The following RGS6 variants were observed in gnomAD, a reference collection of about 807,000 sequenced individuals.
RGS6 encodes regulator of G protein signaling 6.
RGS6 carries 30 observed loss-of-function variants against 78.5 expected under a neutral mutation model. The ratio of observed to expected loss-of-function variants is 0.38; its 90% CI spans 0.29 to 0.52. The LOEUF (loss-of-function observed/expected upper bound fraction) is 0.52, where lower values mean the gene tolerates loss of function less well. Ranked by LOEUF, RGS6 falls within the 20% of genes least tolerant of loss-of-function variation. RGS6 has a pLI of 0.85. For missense variants in RGS6, 495 were observed against 609.7 expected (o/e 0.81, Z 1.98); for synonymous variants, 206 against 206.0 (o/e 1.00, Z 0.00).
intron 3 of RGS6, among the ~76,000 whole-genome samples, chr14:72,435,116 A>G (rs2094841213): frequency 6.6e-6 from 1 of 152,228 alleles, no homozygotes; most frequent in Non-Finnish European, 1.5e-5. Context: ...TAACATAGGC[A>G]TTCCAGAAGA....
chr14:71,868,364 A>G, the RGS6 span, among the ~76,000 whole-genome samples: 1 of 152,214 alleles, frequency 6.6e-6, no homozygotes, highest in Non-Finnish European at 1.5e-5. Flanking sequence ...GTCTTTAAGG[A>G]ATTTCACTCT....
chr14:72,567,919 G>A (rs1350214517), downstream of RGS6, among the ~76,000 whole-genome samples: 1 of 152,216 alleles, frequency 6.6e-6, no homozygotes, highest in Non-Finnish European at 1.5e-5. Context: ...CAGCCCTTCA[G>A]CGCCCACAAT....
rs921030596 is a variant in RGS6 at position 72,067,977 on chromosome 14, C to T, written c.84+103102C>T. ...AGAATCCCCAGGTGATTCATGTGTG[C>T]GTTAAAGATCAAGAAGCATTGCTGT... On this transcript the variant is annotated intron_variant, in intron 2 of 17. Coordinates refer to ENST00000553525, the MANE Select transcript of RGS6 (RefSeq NM_001204424.2). Among the ~76,000 whole-genome samples the T allele has an allele frequency of 3.9e-5, 6 of 151,942 alleles. No individual in the cohort carries two copies. In the East Asian group the frequency reaches 7.7e-4, roughly 20 times the overall value.
intron 1 of RGS6, among the ~76,000 whole-genome samples, chr14:71,935,549 G>A (rs1169401377): frequency 6.6e-6 from 1 of 152,196 alleles, no homozygotes; most frequent in Non-Finnish European, 1.5e-5. Flanking sequence ...TTCAAAAAGA[G>A]TAGGTTCTTT....
chr14:72,357,559 G>A (rs985263326), intron 3 of RGS6, among the ~76,000 whole-genome samples: 9 of 152,184 alleles, frequency 5.9e-5, no homozygotes, highest in Admixed American at 3.3e-4. Context: ...GATAACCCTC[G>A]TTATGCTGTA....
In RGS6 at chr14:72,518,548, C is replaced by G; in HGVS notation, c.1278+11C>G. 6.2e-7 allele frequency: 1 copy of G among 1,613,076 alleles called. No homozygotes were observed. The highest frequency in any genetic ancestry group is 8.5e-7 in the Non-Finnish European group (1 of 1,179,154). On this transcript the variant is annotated intron_variant, in intron 15 of 17. Coordinates refer to ENST00000553525, the MANE Select transcript of RGS6 (RefSeq NM_001204424.2). ...TTTGAAGACGCCCAGGTTTGCTTATCTACTCAAGTGGTTGTCATAAGGTGT... is the reference window on the plus strand; with the variant it reads ...TTTGAAGACGCCCAGGTTTGCTTATGTACTCAAGTGGTTGTCATAAGGTGT...
At chr14:71,885,065 C>T in the RGS6 span, among the ~76,000 whole-genome samples, 1 of 152,194 alleles carries the variant, frequency 6.6e-6, no homozygotes, top group East Asian at 1.9e-4. Flanking sequence ...TATTGCCATC[C>T]CTTAGCATAT....
At chr14:71,885,876 ATTCT>A in the RGS6 span, among the ~76,000 whole-genome samples, 20 of 151,230 alleles carry the variant, frequency 1.3e-4, no homozygotes, top group African/African-American at 4.9e-4. Flanking sequence ...GTGAGATAAA[ATTCT>A]TTCTTTCCTT....
the RGS6 span, among the ~76,000 whole-genome samples, chr14:72,572,769 T>C: frequency 6.6e-6 from 1 of 152,128 alleles, no homozygotes; most frequent in African/African-American, 2.4e-5. Context: ...ATACTTAAAA[T>C]CATTGACTTA....
chr14:72,475,029 G>T (rs1191416101), intron 10 of RGS6, among the ~76,000 whole-genome samples: 1 of 151,810 alleles, frequency 6.6e-6, no homozygotes, highest in Non-Finnish European at 1.5e-5. Context: ...GGGTGGGGGT[G>T]GGGGGCTTCC....
the RGS6 span, among the ~76,000 whole-genome samples, chr14:72,581,598 A>G: frequency 6.6e-6 from 1 of 152,154 alleles, no homozygotes; most frequent in Non-Finnish European, 1.5e-5. Context: ...TCCCTTGCAC[A>G]TGCGTGAACC....
chr14:72,094,543 C>A (rs550880514), intron 2 of RGS6, among the ~76,000 whole-genome samples: 1 of 152,092 alleles, frequency 6.6e-6, no homozygotes, highest in Non-Finnish European at 1.5e-5. Context: ...AATTTATTAT[C>A]CATCAAGAGT....
intron 3 of RGS6, among the ~76,000 whole-genome samples, chr14:72,391,854 T>C (rs2090071067): frequency 6.6e-6 from 1 of 152,186 alleles, no homozygotes; most frequent in Non-Finnish European, 1.5e-5. Flanking sequence ...CGGTGTTTCG[T>C]TTTCTGTCCT....
chr14:71,943,547 A>T (rs2090995337), intron 1 of RGS6, among the ~76,000 whole-genome samples: 1 of 152,008 alleles, frequency 6.6e-6, no homozygotes, highest in Non-Finnish European at 1.5e-5. Context: ...TCACATTGGG[A>T]TTTGAGGAGG....
intron 2 of RGS6, among the ~76,000 whole-genome samples, chr14:72,075,680 G>A (rs2094549046): frequency 6.6e-6 from 1 of 151,914 alleles, no homozygotes; most frequent in Non-Finnish European, 1.5e-5. Context: ...TGTGTTCATA[G>A]GCTGACATTT....
chr14:72,146,276 C>A (rs2332802), intron 2 of RGS6, among the ~76,000 whole-genome samples: 1 of 152,184 alleles, frequency 6.6e-6, no homozygotes, highest in Non-Finnish European at 1.5e-5. Flanking sequence ...AACACTCTTG[C>A]ATTGGGGGTT....
At chr14:72,585,646 G>A in the RGS6 span, among the ~76,000 whole-genome samples, 1 of 152,238 alleles carries the variant, frequency 6.6e-6, no homozygotes, top group African/African-American at 2.4e-5. Context: ...TCTTGGACAA[G>A]ATGGCTGTCT....
chr14:72,015,301 T>A (rs2086708626), intron 2 of RGS6, among the ~76,000 whole-genome samples: 2 of 152,196 alleles, frequency 1.3e-5, no homozygotes, highest in Admixed American at 1.3e-4. Context: ...GTGAATTAAC[T>A]CATTACTGCA....
chr14:72,181,645 A>G (rs2097174392), intron 2 of RGS6, among the ~76,000 whole-genome samples: 2 of 152,218 alleles, frequency 1.3e-5, no homozygotes, highest in African/African-American at 4.8e-5. Context: ...CTCTTCAACC[A>G]TATTTGAAAG....
Sources: gnomAD v4.1 joint callset for allele counts (sites outside exome capture counted in the v4.1 genomes callset) on GRCh38, gnomAD v4.1.1 for gene constraint, MANE v1.5 for transcripts, NCBI Gene and HGNC (gene_info 2026-07-23, HGNC 2026-07-21) for gene names.